The following SMIM1 variants were observed in gnomAD, a reference collection of about 807,000 sequenced individuals.
SMIM1 encodes the protein small integral membrane protein 1 (Vel blood group), also known as small integral membrane protein 1.
Under a neutral mutation model 7.7 loss-of-function variants are expected in SMIM1, and 7 were observed. The ratio of observed to expected loss-of-function variants is 0.91; its 90% CI spans 0.52 to 1.71. The LOEUF (loss-of-function observed/expected upper bound fraction) is 1.71. Among genes scored for constraint, SMIM1 ranks in the 40% most tolerant of loss-of-function variants. The pLI is 0.00. For synonymous variants in SMIM1, 41 were observed against 42.7 expected, an observed-to-expected ratio of 0.96 and a Z score of 0.16; for missense variants, 95 against 102.8, an observed-to-expected ratio of 0.92 and a Z score of 0.33.
In SMIM1 at chr1:3,775,409, G is replaced by T. The variant is rs1643443002; in HGVS notation, c.36G>T (p.Arg12Ser). ...AGGAGAGCCACGTCCACTATAGTAG[G>T]TGGGAGGACGGCAGCAGGGACGGAG... Reference protein sequence around the residue: ...QPQESHVHYSRWEDGSRDGVS... With the variant: ...QPQESHVHYSSWEDGSRDGVS... The change falls in exon 3 of 4, where the codon AGG (arginine) becomes AGT (serine). Residue 12 changes from arginine to serine, a missense_variant. By Grantham distance (110) the Arg-to-Ser change is moderately radical (BLOSUM62 -1). Coordinates refer to ENST00000642557, the MANE Select transcript of SMIM1 (RefSeq NM_001288583.2). This position sits in a 1 kb window ranked among gnomAD's most constrained non-coding sequence, Gnocchi z 5.3. 6.4e-7 allele frequency: 1 copy of T among 1,550,584 alleles called. No individual in the cohort carries two copies. Among genetic ancestry groups the T allele is most frequent in the Admixed American group, 2.0e-5 (1 of 50,998 alleles).
chr1:3,775,450 T>C lies in SMIM1; in HGVS notation c.77T>C (p.Val26Ala). ...GSRDGVSLGA[V>A]SSTEEASRCR... Reference sequence around the variant, plus strand: ...AGGGACGGAGTCAGCCTAGGGGCTGTGTCCAGCACAGAAGAGGCCTCACGC... The same window carrying C: ...AGGGACGGAGTCAGCCTAGGGGCTGCGTCCAGCACAGAAGAGGCCTCACGC... The change falls in exon 3 of 4, where the codon GTG becomes GCG. Residue 26 changes from valine (V) to alanine (A), a missense_variant. Transcript: ENST00000642557. This position sits in a 1 kb window ranked among gnomAD's most constrained non-coding sequence, Gnocchi z 5.3. 6.6e-7 allele frequency: 1 copy of C among 1,511,692 alleles called. No homozygotes were observed. The highest frequency in any genetic ancestry group is 9.0e-7 in the Non-Finnish European group (1 of 1,112,488). 93.6% of individuals were successfully genotyped at this position (1,511,692 alleles called of 1,614,324 possible). A position where few individuals can be genotyped will look rare whatever the true frequency, so the allele number is the denominator to read the frequency against.
Position 3,775,146 on chromosome 1 carries a change from G to A in SMIM1, c.-75-153G>A, listed in dbSNP as rs1044917627. ...GGTCCCATCCTCCCGGCCTGACCCT[G>A]GGCAAATGACTCTACCACTTTGTGT... On this transcript the variant is annotated intron_variant, in intron 2 of 3. Coordinates refer to ENST00000642557, the MANE Select transcript of SMIM1 (RefSeq NM_001288583.2). This position sits in a 1 kb window ranked among gnomAD's most constrained non-coding sequence, Gnocchi z 5.3. Among the ~76,000 whole-genome samples, 15 of 152,088 alleles carry A rather than the reference G, an allele frequency of 9.9e-5. No homozygotes were observed. Among genetic ancestry groups the A allele is most frequent in the Admixed American group, 7.2e-4 (11 of 15,276 alleles).
intron 2 of SMIM1, among the ~76,000 whole-genome samples, chr1:3,774,482 T>A (rs1643427896): frequency 2.0e-5 from 3 of 152,120 alleles, no homozygotes; most frequent in Non-Finnish European, 4.4e-5. Context: ...GTCCCCGTGG[T>A]CTCCTCGCCC....
At chr1:3,773,609 T>TGCAGCTCCA (rs1251316091) in intron 2 of SMIM1, among the ~76,000 whole-genome samples, 1 of 152,126 alleles carries the variant, frequency 6.6e-6, no homozygotes, top group Non-Finnish European at 1.5e-5. Flanking sequence ...AGGCGGCTGC[T>TGCAGCTCCA]GCAGCTCCAG....
At chr1:3,773,323 T>TGGGTTCC (rs1353639415) in intron 2 of SMIM1, 142 bp downstream of exon 2, 1 of 152,340 alleles carries the variant, frequency 6.6e-6, no homozygotes, top group Non-Finnish European at 1.5e-5. Context: ...GAGTCCCTGA[T>TGGGTTCC]GGGTTCCTGC....
Position 3,775,676 on chromosome 1 carries a change from T to TGGGCGGGGAGA in SMIM1, c.111-118_111-117insGGCGGGGAGAG. On this transcript the variant is annotated intron_variant, in intron 3 of 3. Transcript: ENST00000642557. The surrounding 1 kb of genome is among the most constrained non-coding windows in gnomAD (Gnocchi z 5.3). ...GCTGTGGGCGGGGAGAGCTTCCTCT[T>TGGGCGGGGAGA]GACTCCAGCAGAGCGCCCAGGCCCC... The TGGGCGGGGAGA allele has an allele frequency of 7.1e-7, 1 of 1,408,862 alleles. No individual in the cohort carries two copies. The highest frequency in any genetic ancestry group is 1.5e-5 in the South Asian group (1 of 68,950). 87.3% of individuals were successfully genotyped at this position (1,408,862 alleles called of 1,614,324 possible).
intron 2 of SMIM1, 142 bp downstream of exon 2, chr1:3,773,323 T>G (rs552106898): frequency 6.6e-6 from 1 of 152,458 alleles, no homozygotes; most frequent in South Asian, 2.1e-4. Context: ...GAGTCCCTGA[T>G]GGGTTCCTGC....
chr1:3,775,775 C>T lies in SMIM1; in HGVS notation c.111-20C>T, dbSNP rs1345318553. Reference sequence around the variant, plus strand: ...TGCGGCCCTGGCCTGGGGCTCACCTCCAGTTGGTTCTCACCCCAGGATCTC... The same window carrying T: ...TGCGGCCCTGGCCTGGGGCTCACCTTCAGTTGGTTCTCACCCCAGGATCTC... On this transcript the variant is annotated intron_variant, in intron 3 of 3. Transcript: ENST00000642557. This position sits in a 1 kb window ranked among gnomAD's most constrained non-coding sequence, Gnocchi z 5.3. The T allele has an allele frequency of 6.5e-6, 10 of 1,547,716 alleles. No individual in the cohort carries two copies. In the Admixed American group the frequency reaches 1.6e-4, roughly 24 times the overall value.
At position 3,775,522 on chromosome 1, in the gene SMIM1, TG is replaced by T; in HGVS notation, c.110+41del. On this transcript the variant is annotated intron_variant, in intron 3 of 3. Transcript: ENST00000642557. The surrounding 1 kb of genome is among the most constrained non-coding windows in gnomAD (Gnocchi z 5.3). ...GGGCAGCCTGCCAGCCATAGCAGGC[TG>T]GTGTCTCCCTCCAGAGACGCCTGCC... 6.6e-7 allele frequency: 1 copy of T among 1,515,052 alleles called. No homozygotes were observed. The highest frequency in any genetic ancestry group is 1.2e-5 in the South Asian group (1 of 82,880). The allele number at this position is 1,515,052 out of a possible 1,614,324, so 93.9% of individuals were successfully genotyped here. A position where few individuals can be genotyped will look rare whatever the true frequency, so the allele number is the denominator to read the frequency against.
chr1:3,773,835 A>T (rs144987475), intron 2 of SMIM1, among the ~76,000 whole-genome samples: 1,832 of 152,280 alleles, frequency 0.012, 14 homozygotes, highest in Middle Eastern at 0.037. Context: ...GATTCTGCAC[A>T]CCAGGCAAGA....
At position 3,775,716 on chromosome 1, in the gene SMIM1, A is replaced by AC; in HGVS notation, c.111-77dup. ...GCCCAGGCCCCTCCCCCTGACCCAG[A>AC]CCAACGGCCACAGTCCACTTAGGGG... On this transcript the variant is annotated intron_variant, in intron 3 of 3. Transcript: ENST00000642557. This position sits in a 1 kb window ranked among gnomAD's most constrained non-coding sequence, Gnocchi z 5.3. 1 of 1,494,684 alleles carries AC rather than the reference A, an allele frequency of 6.7e-7. No individual in the cohort carries two copies. Among genetic ancestry groups the AC allele is most frequent in the Middle Eastern group, 2.3e-4 (1 of 4,404 alleles). The allele number at this position is 1,494,684 out of a possible 1,614,324, so 92.6% of individuals were successfully genotyped here.
intron 2 of SMIM1, among the ~76,000 whole-genome samples, chr1:3,774,578 G>C (rs2124603721): frequency 6.6e-6 from 1 of 152,312 alleles, no homozygotes; most frequent in East Asian, 1.9e-4. Flanking sequence ...GAGCCCAGCA[G>C]GGAGCTGGCC....
At chr1:3,774,132 G>A (rs1304800443) in intron 2 of SMIM1, among the ~76,000 whole-genome samples, 2 of 152,196 alleles carry the variant, frequency 1.3e-5, no homozygotes, top group Admixed American at 6.5e-5. Context: ...CCTCTGTGCC[G>A]ATGACCTGGG....
Position 3,775,246 on chromosome 1 carries a change from C to T in SMIM1, c.-75-53C>T. The T allele has an allele frequency of 1.5e-6, 1 of 645,622 alleles. No individual in the cohort carries two copies. The highest frequency in any genetic ancestry group is 2.9e-5 in the Admixed American group (1 of 34,254). 40.0% of individuals were successfully genotyped at this position (645,622 alleles called of 1,614,324 possible). The stretch of plus-strand genomic sequence containing the variant: ...CCGACCCTTAGTGCCCCTCTCCTAA[C>T]AGCAGCCTCAGAGGGGGTCTTGACT... On this transcript the variant is annotated intron_variant, in intron 2 of 3. Transcript: ENST00000642557. This position sits in a 1 kb window ranked among gnomAD's most constrained non-coding sequence, Gnocchi z 5.3.
Position 3,775,195 on chromosome 1 carries a change from G to A in SMIM1, c.-75-104G>A, listed in dbSNP as rs1235692619. The A allele has an allele frequency of 3.7e-5, 20 of 533,452 alleles. No homozygotes were observed. Among genetic ancestry groups the A allele is most frequent in the Non-Finnish European group, 5.4e-5 (16 of 294,308 alleles). 33.0% of individuals were successfully genotyped at this position (533,452 alleles called of 1,614,324 possible). On this transcript the variant is annotated intron_variant, in intron 2 of 3. Coordinates refer to ENST00000642557, the MANE Select transcript of SMIM1 (RefSeq NM_001288583.2). The surrounding 1 kb of genome is among the most constrained non-coding windows in gnomAD (Gnocchi z 5.3). ...GTCTAGGTCACCTGTTAAGTCAGGC[G>A]ACAGACCCGGTGAGGGAGTCAGCCC...
At position 3,775,723 on chromosome 1, in the gene SMIM1, G is replaced by T. The variant is rs956458531; in HGVS notation, c.111-72G>T. ...CCCCTCCCCCTGACCCAGACCAACG[G>T]CCACAGTCCACTTAGGGGGCCCCTC... is the stretch of plus-strand genomic sequence containing the variant. On this transcript the variant is annotated intron_variant, in intron 3 of 3. Transcript: ENST00000642557. The surrounding 1 kb of genome is among the most constrained non-coding windows in gnomAD (Gnocchi z 5.3). 17 of 1,502,212 alleles carry T rather than the reference G, an allele frequency of 1.1e-5. No individual in the cohort carries two copies. In the African/African-American group the frequency reaches 1.3e-4, roughly 11 times the overall value. The allele number at this position is 1,502,212 out of a possible 1,614,324, so 93.1% of individuals were successfully genotyped here. A position where few individuals can be genotyped will look rare whatever the true frequency, so the allele number is the denominator to read the frequency against.
Position 3,775,954 on chromosome 1 carries a change from G to A in SMIM1, c.*33G>A, listed in dbSNP as rs527807319. 8 of 1,539,800 alleles carry A rather than the reference G, an allele frequency of 5.2e-6. No individual in the cohort carries two copies. In the African/African-American group the frequency reaches 5.5e-5, roughly 11 times the overall value. On this transcript the variant is annotated 3_prime_UTR_variant, in exon 4 of 4. Transcript: ENST00000642557. The surrounding 1 kb of genome is among the most constrained non-coding windows in gnomAD (Gnocchi z 5.3). ...CCCGCATGCACGCGGGGGGCTGGCC[G>A]CACACGTGAGAGCACAGGCCTGGAG...
intron 2 of SMIM1, among the ~76,000 whole-genome samples, chr1:3,774,672 T>C (rs1051375882): frequency 6.8e-6 from 1 of 147,708 alleles, no homozygotes; most frequent in South Asian, 2.4e-4. Flanking sequence ...AGGCCTTGAA[T>C]CCACCCCGGC....
intron 2 of SMIM1, among the ~76,000 whole-genome samples, chr1:3,774,870 C>CGCA (rs70940313): frequency 0.22 from 33,176 of 151,216 alleles, 3,909 homozygotes; most frequent in African/African-American, 0.24. Context: ...CCCTGCCCCA[C>CGCA]CCCCCCCTCC....
Sources: gnomAD v4.1 joint callset for allele counts (sites outside exome capture counted in the v4.1 genomes callset) on GRCh38, gnomAD v4.1.1 for gene constraint, Gnocchi (gnomAD v3.1) non-coding constraint, MANE v1.5 for transcripts, NCBI Gene and HGNC (gene_info 2026-07-23, HGNC 2026-07-21) for gene names.